Variants in ANKRD40 observed in about 807,000 individuals in gnomAD.
The protein encoded by ANKRD40 is ankyrin repeat domain-containing protein 40.
A neutral mutation model predicts 35.5 loss-of-function variants in ANKRD40; 24 were observed. The observed-to-expected ratio is 0.68, with a 90% CI of 0.49 to 0.95. ANKRD40 has a LOEUF of 0.95. Among genes scored for constraint, ANKRD40 ranks in the 40% least tolerant of loss-of-function variants. The pLI, the probability that ANKRD40 is intolerant of heterozygous loss-of-function variation, is 0.00. For synonymous variants in ANKRD40, 147 were observed against 173.5 expected (o/e 0.85, Z 1.20); for missense variants, 361 against 436.0 (o/e 0.83, Z 1.53).
chr17:50,694,515 C>T lies in ANKRD40; in HGVS notation c.*1482G>A, dbSNP rs920275813. ...AAAGCTTCTTAAGACAGCAGGGATG[C>T]TCTTCGACAGCTGGCTTCAAACCCC... On this transcript the variant is annotated 3_prime_UTR_variant, in exon 5 of 5. Coordinates refer to ENST00000285243, the MANE Select transcript of ANKRD40 (RefSeq NM_052855.4). 6.6e-6 allele frequency: 1 copy of T among 152,210 alleles called. No homozygotes were observed. The highest frequency in any genetic ancestry group is 2.4e-5 in the African/African-American group (1 of 41,450). 9.4% of individuals were successfully genotyped at this position (152,210 alleles called of 1,614,324 possible). A position where few individuals can be genotyped will look rare whatever the true frequency, so the allele number is the denominator to read the frequency against.
chr17:50,696,200 G>A (rs1213200498), intron 4 of ANKRD40, 57 bp from the exon 5 acceptor site: 2 of 1,564,714 alleles, frequency 1.3e-6, no homozygotes, highest in East Asian at 2.2e-5. Context: ...CATATGTTTG[G>A]TGCACTCTAT....
rs138572332 is a variant in ANKRD40 at position 50,699,859 on chromosome 17, GTCATCATCATCA to G, written c.306_317del (p.Asp103_Asp106del). ...ACTCCTTCTTCAGCTGGGGGAGGTT[GTCATCATCATCA>G]TCATCATCATCTTCTTCTTCCACTT... is the stretch of plus-strand genomic sequence containing the variant. On this transcript the variant is annotated inframe_deletion, in exon 3 of 5. Transcript: ENST00000285243. 20 of 1,515,662 alleles carry G rather than the reference GTCATCATCATCA, an allele frequency of 1.3e-5. No homozygotes were observed. In the South Asian group the frequency reaches 2.7e-4, roughly 20 times the overall value. The allele number at this position is 1,515,662 out of a possible 1,614,324, so 93.9% of individuals were successfully genotyped here.
Position 50,707,792 on chromosome 17 carries a change from T to G in ANKRD40, c.-138A>C. 5.9e-6 allele frequency: 3 copies of G among 507,600 alleles called. No homozygotes were observed. The highest frequency in any genetic ancestry group is 5.2e-6 in the Non-Finnish European group (2 of 385,482). 31.4% of individuals were successfully genotyped at this position (507,600 alleles called of 1,614,324 possible). A position where few individuals can be genotyped will look rare whatever the true frequency, so the allele number is the denominator to read the frequency against. On this transcript the variant is annotated 5_prime_UTR_variant, in exon 1 of 5. Transcript: ENST00000285243. The surrounding 1 kb of genome is among the most constrained non-coding windows in gnomAD (Gnocchi z 4.8). ...AACTCGCCCGCCCTGCTCGCGCCGC[T>G]GCCCGCGCCCGCCCCGGGACTTCCG... is the stretch of plus-strand genomic sequence containing the variant.
At chr17:50,697,333 G>A (rs539344174) in intron 3 of ANKRD40, among the ~76,000 whole-genome samples, 18 of 152,298 alleles carry the variant, frequency 1.2e-4, no homozygotes, top group South Asian at 4.1e-4. Flanking sequence ...ACTGTCGTCC[G>A]TACTTCTAAG....
chr17:50,697,243 A>T, intron 3 of ANKRD40, 122 bp from the exon 4 acceptor site: 1 of 978,088 alleles, frequency 1.0e-6, no homozygotes, highest in African/African-American at 1.7e-5. Flanking sequence ...TGATTAACAG[A>T]CCTGTTTGGT....
At chr17:50,696,757 A>C in intron 4 of ANKRD40, 183 bp downstream of exon 4, 1 of 103,480 alleles carries the variant, frequency 9.7e-6, no homozygotes, top group Non-Finnish European at 1.4e-5. Context: ...TTGACTTGCC[A>C]AAAAAAAAAA....
At chr17:50,698,985 CAAAAAAAAAAAAA>C (rs5820829) in intron 3 of ANKRD40, among the ~76,000 whole-genome samples, 5 of 69,618 alleles carry the variant, frequency 7.2e-5, no homozygotes, top group South Asian at 6.4e-4. Flanking sequence ...ACTAAAAATA[CAAAAAAAAAAAAA>C]AAAAAAAAAA....
chr17:50,701,525 A>C (rs1968272497), intron 1 of ANKRD40, among the ~76,000 whole-genome samples: 2 of 152,224 alleles, frequency 1.3e-5, no homozygotes, highest in Admixed American at 1.3e-4. Flanking sequence ...AAGGGCTACT[A>C]TTTTAATACT....
At chr17:50,705,138 A>G (rs868698667) in intron 1 of ANKRD40, among the ~76,000 whole-genome samples, 56 of 151,898 alleles carry the variant, frequency 3.7e-4, no homozygotes, top group Admixed American at 7.9e-4. Flanking sequence ...AAAAAAAAAA[A>G]AAGAACCCTA....
Position 50,707,341 on chromosome 17 carries a change from G to C in ANKRD40, c.134+180C>G, listed in dbSNP as rs1000389796. On this transcript the variant is annotated intron_variant, in intron 1 of 4. Transcript: ENST00000285243. The surrounding 1 kb of genome is among the most constrained non-coding windows in gnomAD (Gnocchi z 4.8). ...GTGGGCCGGGATTTGGGCAGGACGC[G>C]CTCCCGACCGCACGAGGCATGGGGG... Among the ~76,000 whole-genome samples the C allele has an allele frequency of 2.6e-5, 4 of 152,096 alleles. No individual in the cohort carries two copies. Among genetic ancestry groups the C allele is most frequent in the African/African-American group, 7.2e-5 (3 of 41,402 alleles).
rs532176769 is a variant in ANKRD40, at chr17:50,694,925, C to T, written c.*1072G>A. The T allele has an allele frequency of 6.6e-6, 1 of 152,278 alleles. No individual in the cohort carries two copies. The highest frequency in any genetic ancestry group is 2.1e-4 in the South Asian group (1 of 4,818). The allele number at this position is 152,278 out of a possible 1,614,324, so 9.4% of individuals were successfully genotyped here. A position where few individuals can be genotyped will look rare whatever the true frequency, so the allele number is the denominator to read the frequency against. On this transcript the variant is annotated 3_prime_UTR_variant, in exon 5 of 5. Coordinates refer to ENST00000285243, the MANE Select transcript of ANKRD40 (RefSeq NM_052855.4). Reference sequence around the variant, plus strand: ...CTAACTCCTTTAGCTCAGTTTCCCACAATAACCTTTAAAATAGCAACAGAT... The same window carrying T: ...CTAACTCCTTTAGCTCAGTTTCCCATAATAACCTTTAAAATAGCAACAGAT...
chr17:50,700,415 C>T, intron 2 of ANKRD40, 153 bp downstream of exon 2: 1 of 822,280 alleles, frequency 1.2e-6, no homozygotes, highest in Non-Finnish European at 1.8e-6. Flanking sequence ...TGCACTCCAG[C>T]CTGGGCAACA....
chr17:50,704,741 C>T (rs955094816), intron 1 of ANKRD40, among the ~76,000 whole-genome samples: 9 of 152,120 alleles, frequency 5.9e-5, no homozygotes, highest in African/African-American at 2.2e-4. Context: ...GCCTCAGTTT[C>T]TTCATCTGTA....
Position 50,707,422 on chromosome 17 carries a change from C to T in ANKRD40, c.134+99G>A, listed in dbSNP as rs1968353554. 14 of 1,505,012 alleles carry T rather than the reference C, an allele frequency of 9.3e-6. 1 individual carries two copies. The highest frequency in any genetic ancestry group is 1.2e-5 in the South Asian group (1 of 82,334). The allele number at this position is 1,505,012 out of a possible 1,614,324, so 93.2% of individuals were successfully genotyped here. A position where few individuals can be genotyped will look rare whatever the true frequency, so the allele number is the denominator to read the frequency against. The stretch of plus-strand genomic sequence containing the variant: ...GGAGGCCCGAGGTGGCAGGCCTCGC[C>T]GTAGCCAGGCGTCCCGCGCTGGGCC... On this transcript the variant is annotated intron_variant, in intron 1 of 4. Transcript: ENST00000285243. This position sits in a 1 kb window ranked among gnomAD's most constrained non-coding sequence, Gnocchi z 4.8.
chr17:50,699,035 T>A (rs8072431), intron 3 of ANKRD40, among the ~76,000 whole-genome samples: 1 of 149,312 alleles, frequency 6.7e-6, no homozygotes. Context: ...GGCATGCTCC[T>A]GTAATCTCAG....
At chr17:50,696,253 A>G (rs933708872) in intron 4 of ANKRD40, 110 bp from the exon 5 acceptor site, 2 of 1,269,732 alleles carry the variant, frequency 1.6e-6, no homozygotes, top group Non-Finnish European at 2.1e-6. Flanking sequence ...AGAAGAAAAA[A>G]AAAAATCCCT....
chr17:50,701,883 C>T (rs999991993), intron 1 of ANKRD40, among the ~76,000 whole-genome samples: 2 of 152,180 alleles, frequency 1.3e-5, no homozygotes, highest in African/African-American at 4.8e-5. Flanking sequence ...AGAAAGTTAG[C>T]ATGTCTGGCT....
rs1335912246 is a variant in ANKRD40, at chr17:50,694,107, G to A, written c.*1890C>T. On this transcript the variant is annotated 3_prime_UTR_variant, in exon 5 of 5. Coordinates refer to ENST00000285243, the MANE Select transcript of ANKRD40 (RefSeq NM_052855.4). ...ATTATGCCACTGCACTTCAGCCTGG[G>A]CAACAAAGCAAGACTCCGTCTCAAA... 2 of 80,280 alleles carry A rather than the reference G, an allele frequency of 2.5e-5. No homozygotes were observed. The highest frequency in any genetic ancestry group is 4.5e-5 in the Non-Finnish European group (2 of 44,648). The allele number at this position is 80,280 out of a possible 1,614,324, so 5.0% of individuals were successfully genotyped here. A position where few individuals can be genotyped will look rare whatever the true frequency, so the allele number is the denominator to read the frequency against.
intron 3 of ANKRD40, among the ~76,000 whole-genome samples, chr17:50,698,268 T>C (rs1431179631): frequency 6.6e-6 from 1 of 151,908 alleles, no homozygotes; most frequent in African/African-American, 2.4e-5. Context: ...AAGGCAGTGC[T>C]CCAAGAACAA....
Sources: gnomAD v4.1 joint callset for allele counts (sites outside exome capture counted in the v4.1 genomes callset) on GRCh38, gnomAD v4.1.1 for gene constraint, Gnocchi (gnomAD v3.1) non-coding constraint, MANE v1.5 for transcripts, NCBI Gene and HGNC (gene_info 2026-07-23, HGNC 2026-07-21) for gene names.